PADI6: variants seen among roughly 807,000 people sequenced by gnomAD.
PADI6 encodes the protein peptidyl arginine deiminase 6.
Under a neutral mutation model 78.2 loss-of-function variants are expected in PADI6, and 66 were observed. The ratio of observed to expected loss-of-function variants is 0.84; its 90% CI spans 0.69 to 1.04. The LOEUF (loss-of-function observed/expected upper bound fraction) is 1.04, where lower values mean the gene tolerates loss of function less well. PADI6 is among the 50% of genes least tolerant of loss of function. The probability of loss-of-function intolerance (pLI) is 0.00; values close to 1 mark genes in which losing one functional copy is unlikely to be tolerated. For synonymous variants in PADI6, 397 were observed against 346.9 expected, an observed-to-expected ratio of 1.14 and a Z score of -1.60; for missense variants, 854 against 866.1, an observed-to-expected ratio of 0.99 and a Z score of 0.18.
rs2265728 is a variant in PADI6, at chr1:17,387,461, G to T, written c.680-920G>T. The stretch of plus-strand genomic sequence containing the variant: ...CTCCACCTCAAAAAAGAAAAGGAGG[G>T]GGGGGGGCCAGGCGTGGTAGCTCAC... On this transcript the variant is annotated intron_variant, in intron 6 of 15. Transcript: ENST00000619609. Among the ~76,000 whole-genome samples the T allele has an allele frequency of 5.8e-4, 88 of 151,472 alleles. No homozygotes were observed. In the East Asian group the frequency reaches 9.0e-3, roughly 15 times the overall value.
intron 7 of PADI6, 48 bp from the exon 8 acceptor site, chr1:17,388,729 C>A (rs773418839): frequency 1.9e-6 from 3 of 1,562,710 alleles, no homozygotes; most frequent in South Asian, 1.2e-5. Context: ...AAGAGGGGAG[C>A]GAGTAAATGT....
chr1:17,398,649 C>CGGGGGGGGGGGGGG, intron 14 of PADI6, 37 bp from the exon 15 acceptor site: 1 of 91,312 alleles, frequency 1.1e-5, no homozygotes, highest in Non-Finnish European at 2.0e-5. Context: ...TCTCCTTGCT[C>CGGGGGGGGGGGGGG]CCCCGCCCCC....
chr1:17,379,111 A>ATTT (rs144547124), intron 3 of PADI6, among the ~76,000 whole-genome samples: 1,926 of 100,784 alleles, frequency 0.019, 87 homozygotes, highest in Non-Finnish European at 0.025. Context: ...TGCCCAGTTA[A>ATTT]TTTTTTTTTT....
intron 2 of PADI6, among the ~76,000 whole-genome samples, chr1:17,374,636 T>C (rs1304853727): frequency 1.3e-5 from 2 of 151,838 alleles, no homozygotes; most frequent in East Asian, 1.9e-4. Flanking sequence ...CAAAAAAAGG[T>C]ATCTCAGATA....
chr1:17,386,681 G>GGTGGGCCCA (rs965019607), intron 6 of PADI6, among the ~76,000 whole-genome samples: 4 of 152,180 alleles, frequency 2.6e-5, no homozygotes, highest in African/African-American at 9.7e-5. Context: ...GAGTGGTCCC[G>GGTGGGCCCA]GTGGGCCCAG....
chr1:17,398,654 G>GCGCCCC, intron 14 of PADI6, 32 bp from the exon 15 acceptor site: 1 of 173,478 alleles, frequency 5.8e-6, no homozygotes, highest in South Asian at 5.1e-5. Flanking sequence ...TTGCTCCCCC[G>GCGCCCC]CCCCCCCCCC....
intron 6 of PADI6, among the ~76,000 whole-genome samples, chr1:17,387,630 T>G (rs1233918503): frequency 3.9e-5 from 6 of 152,226 alleles, no homozygotes; most frequent in African/African-American, 1.4e-4. Context: ...GGTAGGTGCC[T>G]GCAGTTCCAG....
chr1:17,376,702 T>C (rs1247611276), intron 3 of PADI6, among the ~76,000 whole-genome samples: 2 of 151,866 alleles, frequency 1.3e-5, no homozygotes, highest in African/African-American at 4.8e-5. Context: ...TGGGCCTAGG[T>C]TGTCTTTTAA....
chr1:17,396,354 C>T (rs2075247183), intron 13 of PADI6, among the ~76,000 whole-genome samples: 1 of 152,068 alleles, frequency 6.6e-6, no homozygotes. Context: ...CCATTGCACT[C>T]CAGCCTGGGC....
intron 6 of PADI6, among the ~76,000 whole-genome samples, chr1:17,385,006 G>A (rs1014215093): frequency 2.0e-5 from 3 of 152,180 alleles, no homozygotes; most frequent in African/African-American, 4.8e-5. Flanking sequence ...ACAGGGGTGG[G>A]GAAATGGATC....
chr1:17,395,410 G>A (rs1238746474), intron 12 of PADI6, 130 bp from the exon 13 acceptor site: 2 of 1,198,476 alleles, frequency 1.7e-6, no homozygotes, highest in Non-Finnish European at 2.3e-6. Flanking sequence ...CACCATGTTG[G>A]CCAGGCTGGT....
intron 14 of PADI6, among the ~76,000 whole-genome samples, chr1:17,397,354 G>A (rs967534268): frequency 6.6e-6 from 1 of 152,166 alleles, no homozygotes; most frequent in Non-Finnish European, 1.5e-5. Flanking sequence ...TAAGGAGTTA[G>A]GTCTCTGGAG....
chr1:17,381,977 T>C lies in PADI6; in HGVS notation c.564T>C (p.Asn188=), dbSNP rs765239729. The C allele has an allele frequency of 1.6e-5, 26 of 1,613,748 alleles. No individual in the cohort carries two copies. In the South Asian group the frequency reaches 2.9e-4, roughly 18 times the overall value. The change falls in exon 6 of 16, where the codon AAT becomes AAC. Residue 188 remains asparagine (N), a synonymous_variant. Transcript: ENST00000619609. Reference sequence around the variant, plus strand: ...TTGTCTTTTGCCCAGAAATAACGAATCTGTCCCAGATGACTCTGAATGTCC... The same window carrying C: ...TTGTCTTTTGCCCAGAAATAACGAACCTGTCCCAGATGACTCTGAATGTCC... ...KKVIFSEEIT[N]LSQMTLNVQG...
At chr1:17,399,647 C>CG (rs942384403) in intron 15 of PADI6, among the ~76,000 whole-genome samples, 1 of 150,750 alleles carries the variant, frequency 6.6e-6, no homozygotes, top group African/African-American at 2.4e-5. Context: ...AGTTCTAGTA[C>CG]GTTGGGAGGC....
chr1:17,383,588 C>T (rs1252324698), intron 6 of PADI6, among the ~76,000 whole-genome samples: 1 of 152,236 alleles, frequency 6.6e-6, no homozygotes, highest in African/African-American at 2.4e-5. Flanking sequence ...TGGCTCATGC[C>T]TCTAATCCCA....
intron 3 of PADI6, among the ~76,000 whole-genome samples, chr1:17,375,987 T>G (rs1276227322): frequency 1.3e-5 from 2 of 151,966 alleles, no homozygotes; most frequent in Non-Finnish European, 2.9e-5. Flanking sequence ...TTTTTTTTCT[T>G]TTTTTTCTGA....
chr1:17,375,975 C>CTT (rs575076756), intron 3 of PADI6, among the ~76,000 whole-genome samples: 4 of 150,242 alleles, frequency 2.7e-5, no homozygotes, highest in African/African-American at 7.5e-5. Context: ...ATAACATCTA[C>CTT]TTTTTTTTTC....
chr1:17,383,403 C>T (rs1557600174), intron 6 of PADI6, among the ~76,000 whole-genome samples: 1 of 152,218 alleles, frequency 6.6e-6, no homozygotes, highest in Non-Finnish European at 1.5e-5. Flanking sequence ...TGGTTCAGGC[C>T]ACAAGGGCTA....
rs568267075 is a variant in PADI6 at position 17,381,517 on chromosome 1, C to T, written c.553+353C>T. Reference sequence around the variant, plus strand: ...TAAATGAAGACAATAGGGGTATATGCGCTGCTTTCTAAAAAGCCTCTCATA... The same window carrying T: ...TAAATGAAGACAATAGGGGTATATGTGCTGCTTTCTAAAAAGCCTCTCATA... On this transcript the variant is annotated intron_variant, in intron 5 of 15. Transcript: ENST00000619609. Among the ~76,000 whole-genome samples, 5 of 152,292 alleles carry T rather than the reference C, an allele frequency of 3.3e-5. No individual in the cohort carries two copies. The East Asian group carries it at 7.7e-4, about 24-fold the overall frequency.
Sources: allele counts gnomAD v4.1 joint callset (sites outside exome capture counted in the v4.1 genomes callset), GRCh38; gene constraint gnomAD v4.1.1; transcripts MANE v1.5; gene names NCBI Gene and HGNC (gene_info 2026-07-23, HGNC 2026-07-21).